The following BLNK variants were observed in gnomAD, a reference collection of about 807,000 sequenced individuals.
BLNK encodes the protein B cell linker.
BLNK carries 29 observed loss-of-function variants against 73.5 expected under a neutral mutation model. The observed-to-expected ratio is 0.39, with a 90% CI of 0.29 to 0.54. The LOEUF is 0.54. BLNK is among the 20% of genes least tolerant of loss of function. BLNK has a pLI of 0.61. For synonymous variants in BLNK, 176 were observed against 200.8 expected, an observed-to-expected ratio of 0.88 and a Z score of 1.04; for missense variants, 460 against 562.8, an observed-to-expected ratio of 0.82 and a Z score of 1.85.
intron 3 of BLNK, among the ~76,000 whole-genome samples, chr10:96,234,781 GC>G (rs2134056580): frequency 6.6e-6 from 1 of 152,290 alleles, no homozygotes; most frequent in South Asian, 2.1e-4. Context: ...ACACACTATG[GC>G]TACCACAAAG....
Position 96,216,629 on chromosome 10 carries a change from G to C in BLNK, c.607+24C>G, listed in dbSNP as rs185679591. ...CTGATCAACTGCTAAAAATTTTCAG[G>C]TGCTTAAGGCGACAAACTCTTACCT... On this transcript the variant is annotated intron_variant, in intron 7 of 16. Transcript: ENST00000224337. 5 of 1,610,274 alleles carry C rather than the reference G, an allele frequency of 3.1e-6. No individual in the cohort carries two copies. The Admixed American group carries it at 5.0e-5, about 16-fold the overall frequency.
chr10:96,228,668 C>T (rs1307290552), intron 4 of BLNK, among the ~76,000 whole-genome samples: 4 of 152,222 alleles, frequency 2.6e-5, no homozygotes, highest in Non-Finnish European at 5.9e-5. Flanking sequence ...CTCAGCCTCT[C>T]TGCTTCTCAC....
chr10:96,190,115 C>A lies in BLNK; in HGVS notation c.*1858G>T. On this transcript the variant is annotated 3_prime_UTR_variant, in exon 17 of 17. Transcript: ENST00000224337. ...AAGGATAACTGGTGCTCATTTTCATCATTATCCACCTTAAAGTGATCATCT... is the reference window on the plus strand; with the variant it reads ...AAGGATAACTGGTGCTCATTTTCATAATTATCCACCTTAAAGTGATCATCT... 3 of 991,418 alleles carry A rather than the reference C, an allele frequency of 3.0e-6. No individual in the cohort carries two copies. The South Asian group carries it at 3.8e-5, about 13-fold the overall frequency. 61.4% of individuals were successfully genotyped at this position (991,418 alleles called of 1,614,324 possible).
At chr10:96,270,253 A>G (rs1844212844) in intron 1 of BLNK, among the ~76,000 whole-genome samples, 1 of 152,218 alleles carries the variant, frequency 6.6e-6, no homozygotes, top group Non-Finnish European at 1.5e-5. Flanking sequence ...TAAGACCTGT[A>G]TTCTACTGTG....
In BLNK at chr10:96,270,484, G is replaced by A. The variant is rs549868647; in HGVS notation, c.47+868C>T. Among the ~76,000 whole-genome samples the A allele has an allele frequency of 1.7e-3, 255 of 152,176 alleles. 1 individual carries two copies. Among genetic ancestry groups the A allele is most frequent in the African/African-American group, 5.9e-3 (244 of 41,488 alleles). ...CTGTCAAGGTGGGGGACTAGGGGAG[G>A]GAGAGAATTAGGAGAAATACCTAAT... On this transcript the variant is annotated intron_variant, in intron 1 of 16. Transcript: ENST00000224337.
intron 6 of BLNK, among the ~76,000 whole-genome samples, chr10:96,219,673 C>T (rs1554900701): frequency 6.6e-6 from 1 of 152,156 alleles, no homozygotes; most frequent in African/African-American, 2.4e-5. Flanking sequence ...TTTTTATCTG[C>T]AGTGTTTAGA....
At position 96,200,846 on chromosome 10, in the gene BLNK, A is replaced by G; in HGVS notation, c.1011+136T>C. The G allele has an allele frequency of 1.2e-6, 1 of 855,816 alleles. No individual in the cohort carries two copies. Among genetic ancestry groups the G allele is most frequent in the Non-Finnish European group, 2.0e-6 (1 of 501,534 alleles). The allele number at this position is 855,816 out of a possible 1,614,324, so 53.0% of individuals were successfully genotyped here. ...ACTGGGTATTCTGTCCCTATTACCAAATGACAGTTCACATAATGATGTAAA... is the reference window on the plus strand; with the variant it reads ...ACTGGGTATTCTGTCCCTATTACCAGATGACAGTTCACATAATGATGTAAA... On this transcript the variant is annotated intron_variant, in intron 14 of 16. Transcript: ENST00000224337. This position sits in a 1 kb window ranked among gnomAD's most constrained non-coding sequence, Gnocchi z 4.3.
chr10:96,253,943 C>A (rs1020423204), intron 1 of BLNK, among the ~76,000 whole-genome samples: 2 of 151,804 alleles, frequency 1.3e-5, no homozygotes, highest in African/African-American at 2.4e-5. Context: ...ATGGCATGGA[C>A]CCAGGAGGTG....
chr10:96,196,212 A>G (rs1424112498), intron 16 of BLNK, among the ~76,000 whole-genome samples: 2 of 152,146 alleles, frequency 1.3e-5, no homozygotes, highest in African/African-American at 2.4e-5. Flanking sequence ...TCCAACTTAC[A>G]TTCTACCCAT....
rs1385855468 is a variant in BLNK at position 96,207,035 on chromosome 10, G to T, written c.793C>A (p.Gln265Lys). ...CCTTCACAAACACTTGAAGCATTCT[G>T]TTGAGAGGCAACTGGAGTCTATGTA... Reference protein sequence around the residue: ...PLKTTPVASQQNASSVCEEKP... With the variant: ...PLKTTPVASQKNASSVCEEKP... Residue 265 changes from glutamine (Q) to lysine (K), a missense_variant, in exon 11 of 17, where the codon CAG (glutamine) becomes AAG (lysine). By Grantham distance (53) the Gln-to-Lys change is moderately conservative (BLOSUM62 1). Coordinates refer to ENST00000224337, the MANE Select transcript of BLNK (RefSeq NM_013314.4). The T allele has an allele frequency of 1.9e-6, 3 of 1,613,992 alleles. No individual in the cohort carries two copies. Among genetic ancestry groups the T allele is most frequent in the Non-Finnish European group, 2.5e-6 (3 of 1,179,900 alleles).
chr10:96,254,095 G>C (rs930729191), intron 1 of BLNK, among the ~76,000 whole-genome samples: 1 of 151,442 alleles, frequency 6.6e-6, no homozygotes, highest in African/African-American at 2.4e-5. Context: ...TCCCCTTCTA[G>C]GCTAAGTTTA....
chr10:96,211,879 A>T (rs1421342556), intron 8 of BLNK, among the ~76,000 whole-genome samples: 3 of 152,196 alleles, frequency 2.0e-5, no homozygotes, highest in African/African-American at 7.2e-5. Flanking sequence ...ACTGCAATAG[A>T]ATTTGATGGA....
intron 5 of BLNK, among the ~76,000 whole-genome samples, chr10:96,225,403 C>A (rs1842210315): frequency 6.6e-6 from 1 of 152,148 alleles, no homozygotes; most frequent in African/African-American, 2.4e-5. Context: ...GCCCTCAGCC[C>A]TCACTCCTTG....
chr10:96,192,322 CTACT>C lies in BLNK; in HGVS notation c.1252-234_1252-231del, dbSNP rs149157547. On this transcript the variant is annotated intron_variant, in intron 16 of 16. Transcript: ENST00000224337. ...ACACTGACAGCCTCAATTAGCATAG[CTACT>C]TAGAGAGATTACTTCACTGAGTTAT... Among the ~76,000 whole-genome samples the C allele has an allele frequency of 0.07, 10,688 of 152,152 alleles. 720 individuals carry two copies. Among genetic ancestry groups the C allele is most frequent in the African/African-American group, 0.18 (7,365 of 41,486 alleles).
intron 1 of BLNK, among the ~76,000 whole-genome samples, chr10:96,253,448 G>T (rs550835787): frequency 3.9e-4 from 59 of 152,310 alleles, no homozygotes; most frequent in Non-Finnish European, 1.2e-4. Context: ...GGATCAAGAG[G>T]CTTGGACCTC....
intron 3 of BLNK, among the ~76,000 whole-genome samples, chr10:96,234,961 G>A (rs587669999): frequency 3.9e-5 from 6 of 152,342 alleles, no homozygotes; most frequent in Admixed American, 3.3e-4. Flanking sequence ...CTATGGTGTG[G>A]TTTACCTGGT....
intron 1 of BLNK, among the ~76,000 whole-genome samples, chr10:96,248,363 C>T (rs1381358122): frequency 6.6e-6 from 1 of 152,082 alleles, no homozygotes; most frequent in Non-Finnish European, 1.5e-5. Context: ...TAACAGAAAA[C>T]AAATACAAGT....
Position 96,196,974 on chromosome 10 carries a change from A to G in BLNK, c.1185T>C (p.Asn395=). ...LVVFFNKRVY[N]IPVRFIEATK... The stretch of plus-strand genomic sequence containing the variant: ...TTGCTTCAATAAATCGCACAGGAAT[A>G]TTATATACTCGCTTATTAAAGAATA... The change falls in exon 16 of 17, where the codon AAT becomes AAC. Residue 395 remains asparagine (N), a synonymous_variant. Transcript: ENST00000224337. 6.2e-7 allele frequency: 1 copy of G among 1,613,514 alleles called. No homozygotes were observed. Among genetic ancestry groups the G allele is most frequent in the Non-Finnish European group, 8.5e-7 (1 of 1,179,688 alleles).
chr10:96,198,153 G>A (rs944586776), intron 15 of BLNK, among the ~76,000 whole-genome samples: 18 of 152,006 alleles, frequency 1.2e-4, no homozygotes, highest in African/African-American at 3.9e-4. Context: ...TCCAAGGGAC[G>A]AGAGCTTCAA....
Sources: allele counts gnomAD v4.1 joint callset (sites outside exome capture counted in the v4.1 genomes callset), GRCh38; gene constraint gnomAD v4.1.1; non-coding constraint Gnocchi (gnomAD v3.1); transcripts MANE v1.5; gene names NCBI Gene and HGNC (gene_info 2026-07-23, HGNC 2026-07-21).